The following TPTE variants were observed in gnomAD, a reference collection of about 807,000 sequenced individuals.
The protein encoded by TPTE is putative tyrosine-protein phosphatase TPTE.
TPTE carries 59 observed loss-of-function variants against 84.1 expected under a neutral mutation model. That is an observed-to-expected ratio of 0.70 (90% CI 0.57 to 0.87). The LOEUF (loss-of-function observed/expected upper bound fraction) is 0.87, where lower values mean the gene tolerates loss of function less well. Ranked by LOEUF, TPTE falls within the 40% of genes least tolerant of loss-of-function variation. The pLI is 0.00. For missense variants in TPTE, 382 were observed against 659.6 expected (o/e 0.58, Z 4.61); for synonymous variants, 130 against 223.5 (o/e 0.58, Z 3.73).
At chr21:10,548,534 G>T (rs375810044) in intron 7 of TPTE, among the ~76,000 whole-genome samples, 1 of 152,310 alleles carries the variant, frequency 6.6e-6, no homozygotes, top group African/African-American at 2.4e-5. Context: ...CAGGCCAGCT[G>T]AGCAGCAGTG....
In TPTE at chr21:10,565,086, T is replaced by C. The variant is rs1198577613; in HGVS notation, c.447-2584T>C. Among the ~76,000 whole-genome samples, 3 of 152,306 alleles carry C rather than the reference T, an allele frequency of 2.0e-5. No homozygotes were observed. The East Asian group carries it at 5.8e-4, about 29-fold the overall frequency. On this transcript the variant is annotated intron_variant, in intron 10 of 23. Coordinates refer to ENST00000618007, the MANE Select transcript of TPTE (RefSeq NM_199261.4). ...GTAAAATTATCCCTGTGTTTGCAGA[T>C]GATACATTTTATTTGGAAAATACTA...
chr21:10,579,256 T>A (rs1452201050), intron 17 of TPTE, among the ~76,000 whole-genome samples: 1 of 152,310 alleles, frequency 6.6e-6, no homozygotes, highest in Non-Finnish European at 1.5e-5. Flanking sequence ...GCACAGTGGC[T>A]CACACCTGTA....
chr21:10,534,341 C>G (rs2074231064), intron 3 of TPTE, among the ~76,000 whole-genome samples: 1 of 152,310 alleles, frequency 6.6e-6, no homozygotes, highest in South Asian at 2.1e-4. Flanking sequence ...GCCTAATGCT[C>G]TCCTAATTTT....
chr21:10,525,305 G>C (rs2145570825), intron 2 of TPTE, among the ~76,000 whole-genome samples: 1 of 152,426 alleles, frequency 6.6e-6, no homozygotes, highest in South Asian at 2.1e-4. Context: ...GCCCACCCTT[G>C]CATAAACAGG....
intron 17 of TPTE, among the ~76,000 whole-genome samples, chr21:10,589,940 GA>G (rs1202966489): frequency 3.8e-4 from 58 of 152,196 alleles, no homozygotes; most frequent in African/African-American, 1.4e-3. Context: ...TGCCATCTTG[GA>G]AAAAACATCC....
chr21:10,563,475 A>G (rs2074849306), intron 10 of TPTE, among the ~76,000 whole-genome samples: 1 of 149,972 alleles, frequency 6.7e-6, no homozygotes, highest in Non-Finnish European at 1.5e-5. Context: ...GTATAATAAG[A>G]TATAAATAGA....
intron 10 of TPTE, among the ~76,000 whole-genome samples, chr21:10,566,208 G>C (rs1421031354): frequency 6.6e-6 from 1 of 152,306 alleles, no homozygotes; most frequent in African/African-American, 2.4e-5. Context: ...ATTTGAATAG[G>C]CATTTCTCAA....
chr21:10,601,848 C>G (rs1978561201), intron 21 of TPTE, among the ~76,000 whole-genome samples: 1 of 152,308 alleles, frequency 6.6e-6, no homozygotes, highest in African/African-American at 2.4e-5. Flanking sequence ...GAGACTCTGT[C>G]TCAGAAAACA....
chr21:10,540,891 G>A lies in TPTE; in HGVS notation c.12-221G>A, dbSNP rs17128702. The A allele has an allele frequency of 7.7e-3, 5,425 of 701,608 alleles. 1 individual carries two copies. In the African/African-American group the frequency reaches 0.088, roughly 11 times the overall value. The allele number at this position is 701,608 out of a possible 1,614,324, so 43.5% of individuals were successfully genotyped here. On this transcript the variant is annotated intron_variant, in intron 4 of 23. Transcript: ENST00000618007. The stretch of plus-strand genomic sequence containing the variant: ...AGGTGTAGATACCCTTACTTAATCT[G>A]CATGCATCGCTATGGTCACAGCCTA...
intron 8 of TPTE, among the ~76,000 whole-genome samples, chr21:10,558,057 A>T (rs10439784): frequency 8.1e-4 from 123 of 152,364 alleles, no homozygotes; most frequent in Middle Eastern, 3.4e-3. Flanking sequence ...CTCCGGCTCC[A>T]TTGATGTTCC....
intron 13 of TPTE, among the ~76,000 whole-genome samples, chr21:10,570,123 G>A (rs2075012248): frequency 6.6e-6 from 1 of 152,308 alleles, no homozygotes; most frequent in Non-Finnish European, 1.5e-5. Context: ...TCAGAGGGCT[G>A]CAAAGCACCT....
chr21:10,524,825 C>G (rs1050811824), intron 2 of TPTE, 137 bp downstream of exon 2: 1 of 152,390 alleles, frequency 6.6e-6, no homozygotes, highest in African/African-American at 2.4e-5. Context: ...TTTGATATTT[C>G]TACTCCTACT....
chr21:10,545,382 T>G (rs1406339007), intron 7 of TPTE, among the ~76,000 whole-genome samples: 1 of 152,312 alleles, frequency 6.6e-6, no homozygotes, highest in Non-Finnish European at 1.5e-5. Context: ...TCCAAATCAT[T>G]GACATACACA....
intron 22 of TPTE, among the ~76,000 whole-genome samples, chr21:10,602,474 A>T (rs1275171254): frequency 6.6e-6 from 1 of 152,308 alleles, no homozygotes; most frequent in Admixed American, 6.5e-5. Flanking sequence ...AGCATTGATT[A>T]CATTTTGTTT....
intron 20 of TPTE, among the ~76,000 whole-genome samples, chr21:10,597,796 T>C (rs369623457): frequency 5.3e-5 from 8 of 152,274 alleles, no homozygotes; most frequent in African/African-American, 1.7e-4. Flanking sequence ...GTATTTTTTT[T>C]CCTCTTCTCT....
intron 8 of TPTE, among the ~76,000 whole-genome samples, chr21:10,553,204 T>G (rs1321325267): frequency 2.0e-5 from 3 of 152,274 alleles, no homozygotes; most frequent in African/African-American, 7.2e-5. Flanking sequence ...GTACTTCCTG[T>G]TGCACTGACC....
intron 5 of TPTE, among the ~76,000 whole-genome samples, chr21:10,541,896 C>A (rs927441118): frequency 2.6e-5 from 4 of 152,302 alleles, no homozygotes; most frequent in South Asian, 4.1e-4. Context: ...CCTCCAGAAC[C>A]CTGCCACCAC....
At chr21:10,549,829 G>C (rs1271574063) in intron 7 of TPTE, among the ~76,000 whole-genome samples, 1 of 152,300 alleles carries the variant, frequency 6.6e-6, no homozygotes, top group African/African-American at 2.4e-5. Flanking sequence ...TCTAGTTCCA[G>C]GAAGATCAAA....
chr21:10,576,384 G>T, intron 14 of TPTE: 1 of 218,178 alleles, frequency 4.6e-6, no homozygotes, highest in South Asian at 6.3e-5. Flanking sequence ...ACTGAGCCTA[G>T]TCTCCATGGT....
Sources: gnomAD v4.1 joint callset for allele counts (sites outside exome capture counted in the v4.1 genomes callset) on GRCh38, gnomAD v4.1.1 for gene constraint, MANE v1.5 for transcripts, NCBI Gene and HGNC (gene_info 2026-07-23, HGNC 2026-07-21) for gene names.